CAMTA1: variants seen among roughly 807,000 people sequenced by gnomAD.
The protein encoded by CAMTA1 is calmodulin binding transcription activator 1.
CAMTA1 carries 27 observed loss-of-function variants against 170.9 expected under a neutral mutation model. The ratio of observed to expected loss-of-function variants is 0.16; its 90% confidence interval spans 0.12 to 0.22. The LOEUF is 0.22. CAMTA1 is among the 10% of genes least tolerant of loss of function. The pLI, the probability that CAMTA1 is intolerant of heterozygous loss-of-function variation, is 1.00. For synonymous variants in CAMTA1, 833 were observed against 891.5 expected, an observed-to-expected ratio of 0.93 and a Z score of 1.17; for missense variants, 1,619 against 2,217.2, an observed-to-expected ratio of 0.73 and a Z score of 5.42.
At chr1:7,110,277 C>T (rs922055875) in intron 4 of CAMTA1, among the ~76,000 whole-genome samples, 2 of 151,612 alleles carry the variant, frequency 1.3e-5, no homozygotes, top group Non-Finnish European at 2.9e-5. Context: ...CACCCCCCTT[C>T]CCCCCTTTTT....
At chr1:7,623,101 T>C (rs1479552220) in intron 6 of CAMTA1, among the ~76,000 whole-genome samples, 7 of 152,336 alleles carry the variant, frequency 4.6e-5, no homozygotes, top group Admixed American at 3.9e-4. Flanking sequence ...CCCCATTTTT[T>C]ATGCTCATAC....
At chr1:7,699,022 C>G (rs2096409641) in intron 11 of CAMTA1, 1 of 152,232 alleles carries the variant, frequency 6.6e-6, no homozygotes, top group African/African-American at 2.4e-5. Flanking sequence ...TTCCGTCGGT[C>G]AGTCTTCTTT....
intron 4 of CAMTA1, among the ~76,000 whole-genome samples, chr1:7,103,311 G>A (rs1642965218): frequency 1.9e-5 from 1 of 53,464 alleles, no homozygotes; most frequent in Admixed American, 1.4e-4. Flanking sequence ...CTGAGGCACC[G>A]TCTGTCTGAG....
intron 1 of CAMTA1, among the ~76,000 whole-genome samples, chr1:6,811,818 G>T (rs546663737): frequency 6.6e-6 from 1 of 152,306 alleles, no homozygotes; most frequent in South Asian, 2.1e-4. Flanking sequence ...CCTCCATTCC[G>T]GGGCTGTGGC....
chr1:7,632,206 A>T (rs1219715403), intron 6 of CAMTA1, among the ~76,000 whole-genome samples: 1 of 152,248 alleles, frequency 6.6e-6, no homozygotes, highest in Non-Finnish European at 1.5e-5. Context: ...AAATGGTGCT[A>T]ATATGACAAA....
At chr1:7,101,904 C>G (rs1028572736) in intron 4 of CAMTA1, among the ~76,000 whole-genome samples, 1 of 152,202 alleles carries the variant, frequency 6.6e-6, no homozygotes, top group South Asian at 2.1e-4. Context: ...CATATACACA[C>G]AACTACACAC....
At chr1:7,080,695 AGGCTAATT>A (rs1291852744) in intron 3 of CAMTA1, among the ~76,000 whole-genome samples, 1 of 152,066 alleles carries the variant, frequency 6.6e-6, no homozygotes, top group African/African-American at 2.4e-5. Context: ...CCACCATGCC[AGGCTAATT>A]TTTGTATTTT....
intron 6 of CAMTA1, among the ~76,000 whole-genome samples, chr1:7,498,309 G>GAT (rs2093872791): frequency 1.3e-5 from 2 of 151,134 alleles, no homozygotes; most frequent in African/African-American, 4.9e-5. Flanking sequence ...AGTGAGTGTG[G>GAT]ATGTGTGTGT....
intron 1 of CAMTA1, among the ~76,000 whole-genome samples, chr1:6,811,565 T>C (rs560474753): frequency 1.3e-5 from 2 of 152,314 alleles, no homozygotes; most frequent in South Asian, 2.1e-4. Flanking sequence ...CTACATTTTT[T>C]CCCCTCCGAT....
intron 3 of CAMTA1, among the ~76,000 whole-genome samples, chr1:6,884,807 T>C (rs1037286947): frequency 1.3e-5 from 2 of 152,254 alleles, no homozygotes; most frequent in South Asian, 4.1e-4. Context: ...CTAGAGCATG[T>C]CAGTATCCCA....
Position 7,007,460 on chromosome 1 carries a change from C to T in CAMTA1, c.235-83844C>T, listed in dbSNP as rs932288466. On this transcript the variant is annotated intron_variant, in intron 3 of 22. Coordinates refer to ENST00000303635, the MANE Select transcript of CAMTA1 (RefSeq NM_015215.4). The surrounding 1 kb of genome is among the most constrained non-coding windows in gnomAD (Gnocchi z 4.5). ...CAGAATGTCACACCCAGGTCCTTCCCTCGCCTCGAGAACCCCAAGCGAATT... is the reference window on the plus strand; with the variant it reads ...CAGAATGTCACACCCAGGTCCTTCCTTCGCCTCGAGAACCCCAAGCGAATT... 2.6e-5 allele frequency among the ~76,000 whole-genome samples: 4 copies of T among 152,198 alleles called. No individual in the cohort carries two copies. Among genetic ancestry groups the T allele is most frequent in the Non-Finnish European group, 5.9e-5 (4 of 68,032 alleles).
intron 20 of CAMTA1, among the ~76,000 whole-genome samples, chr1:7,751,884 A>C (rs1295774006): frequency 6.6e-6 from 1 of 152,208 alleles, no homozygotes; most frequent in Non-Finnish European, 1.5e-5. Flanking sequence ...ATGTAACTGA[A>C]ACGTATATGA....
At chr1:7,109,584 G>A (rs1002013471) in intron 4 of CAMTA1, among the ~76,000 whole-genome samples, 2 of 152,170 alleles carry the variant, frequency 1.3e-5, no homozygotes, top group South Asian at 2.1e-4. Flanking sequence ...CACAGCTCTC[G>A]TTTCAGACAG....
chr1:7,708,520 G>T (rs1295527457), intron 11 of CAMTA1, among the ~76,000 whole-genome samples: 2 of 152,294 alleles, frequency 1.3e-5, no homozygotes, highest in Non-Finnish European at 2.9e-5. Flanking sequence ...GACAGTGGAG[G>T]GGGAGAATGC....
intron 3 of CAMTA1, among the ~76,000 whole-genome samples, chr1:7,004,738 T>C (rs1300265968): frequency 1.3e-5 from 2 of 152,224 alleles, no homozygotes; most frequent in Non-Finnish European, 2.9e-5. Flanking sequence ...TTTTCAATTT[T>C]TTCAATGTTT....
intron 4 of CAMTA1, among the ~76,000 whole-genome samples, chr1:7,207,201 A>G (rs1458319403): frequency 6.6e-6 from 1 of 152,184 alleles, no homozygotes; most frequent in Admixed American, 6.5e-5. Flanking sequence ...CTAGGCTCTG[A>G]ACAGGGCTTA....
intron 4 of CAMTA1, among the ~76,000 whole-genome samples, chr1:7,128,567 A>G (rs1299641666): frequency 6.6e-6 from 1 of 152,038 alleles, no homozygotes; most frequent in African/African-American, 2.4e-5. Flanking sequence ...GAAAAGTCAG[A>G]TCATGTCAGG....
At chr1:7,666,769 A>C (rs1427248488) in intron 9 of CAMTA1, among the ~76,000 whole-genome samples, 1 of 151,924 alleles carries the variant, frequency 6.6e-6, no homozygotes, top group Non-Finnish European at 1.5e-5. Flanking sequence ...GTGTACAGAC[A>C]CCCCCAGCTC....
At chr1:7,725,519 A>G (rs1272159509) in intron 11 of CAMTA1, among the ~76,000 whole-genome samples, 1 of 152,242 alleles carries the variant, frequency 6.6e-6, no homozygotes, top group East Asian at 1.9e-4. Context: ...CATGGTTCAC[A>G]TGAGGTGATG....
Sources: allele counts gnomAD v4.1 joint callset (sites outside exome capture counted in the v4.1 genomes callset), GRCh38; gene constraint gnomAD v4.1.1; non-coding constraint Gnocchi (gnomAD v3.1); transcripts MANE v1.5; gene names NCBI Gene and HGNC (gene_info 2026-07-23, HGNC 2026-07-21).